Variants in GHR observed in about 807,000 individuals in gnomAD.
GHR encodes the protein GH receptor.
In GHR, 35 loss-of-function variants were observed where a neutral mutation model predicts 67.1. That is an observed-to-expected ratio of 0.52 (90% CI 0.40 to 0.69). GHR has a LOEUF of 0.69. GHR is among the 30% of genes least tolerant of loss of function. GHR has a pLI of 0.00. For missense variants in GHR, 792 were observed against 764.6 expected, an observed-to-expected ratio of 1.04 and a Z score of -0.42; for synonymous variants, 272 against 269.1, an observed-to-expected ratio of 1.01 and a Z score of -0.10.
chr5:42,591,788 G>A (rs886271593), intron 2 of GHR, among the ~76,000 whole-genome samples: 2 of 152,052 alleles, frequency 1.3e-5, no homozygotes, highest in African/African-American at 4.8e-5. Context: ...CTCAACATCT[G>A]TTTGTGTCTT....
At chr5:42,476,518 C>G (rs1303425866) in intron 1 of GHR, among the ~76,000 whole-genome samples, 1 of 152,130 alleles carries the variant, frequency 6.6e-6, no homozygotes, top group Non-Finnish European at 1.5e-5. Context: ...TGCACCTGGC[C>G]TAAATTCTTT....
chr5:42,603,065 T>A (rs543482491), intron 2 of GHR, among the ~76,000 whole-genome samples: 19 of 150,826 alleles, frequency 1.3e-4, no homozygotes, highest in Admixed American at 2.0e-4. Flanking sequence ...TTTGTTTGTC[T>A]GAGAAATTAT....
At chr5:42,498,653 C>T (rs2112222576) in intron 1 of GHR, among the ~76,000 whole-genome samples, 1 of 152,310 alleles carries the variant, frequency 6.6e-6, no homozygotes, top group Non-Finnish European at 1.5e-5. Context: ...GAGTAAAAGG[C>T]AAAAGGCAAA....
intron 3 of GHR, among the ~76,000 whole-genome samples, chr5:42,683,319 T>C (rs1377183545): frequency 6.6e-6 from 1 of 152,170 alleles, no homozygotes; most frequent in Non-Finnish European, 1.5e-5. Flanking sequence ...AGGGTTTTTA[T>C]ACTGAGGGCC....
At chr5:42,463,258 A>G (rs533045249) in intron 1 of GHR, among the ~76,000 whole-genome samples, 1 of 152,354 alleles carries the variant, frequency 6.6e-6, no homozygotes, top group East Asian at 1.9e-4. Context: ...ATAAATGTAT[A>G]TTGAGAGAGA....
intron 4 of GHR, among the ~76,000 whole-genome samples, chr5:42,692,319 T>G (rs1757456666): frequency 6.6e-6 from 1 of 152,038 alleles, no homozygotes; most frequent in Admixed American, 6.6e-5. Context: ...ATAGTCTCTT[T>G]CTATGGTTCT....
At chr5:42,625,002 T>C (rs1197948014) in intron 2 of GHR, among the ~76,000 whole-genome samples, 10 of 152,200 alleles carry the variant, frequency 6.6e-5, no homozygotes, top group Non-Finnish European at 1.3e-4. Flanking sequence ...TTGTCATAAT[T>C]CCTTATTGCA....
intron 1 of GHR, among the ~76,000 whole-genome samples, chr5:42,456,050 C>T (rs889311358): frequency 2.6e-5 from 4 of 152,220 alleles, no homozygotes; most frequent in East Asian, 1.9e-4. Context: ...CAATGGCTTA[C>T]GCCTGTAATC....
At chr5:42,511,933 T>C (rs1747035888) in intron 1 of GHR, among the ~76,000 whole-genome samples, 1 of 152,206 alleles carries the variant, frequency 6.6e-6, no homozygotes, top group Admixed American at 6.5e-5. Context: ...CCTGCTCCCA[T>C]TCTAGGAATC....
intron 3 of GHR, among the ~76,000 whole-genome samples, chr5:42,638,547 T>C (rs1260725147): frequency 6.6e-6 from 1 of 152,210 alleles, no homozygotes; most frequent in Non-Finnish European, 1.5e-5. Context: ...TACAGCATGT[T>C]ACTGTACTGA....
intron 2 of GHR, among the ~76,000 whole-genome samples, chr5:42,577,313 A>G (rs1750804349): frequency 6.6e-6 from 1 of 152,258 alleles, no homozygotes; most frequent in African/African-American, 2.4e-5. Flanking sequence ...TTCCTGGTCT[A>G]TGCCCTAGTG....
rs1054768436 is a variant in GHR, at chr5:42,619,054, A to T, written c.71-9984A>T. Among the ~76,000 whole-genome samples the T allele has an allele frequency of 2.0e-5, 3 of 152,148 alleles. No homozygotes were observed. In the South Asian group the frequency reaches 6.2e-4, roughly 32 times the overall value. On this transcript the variant is annotated intron_variant, in intron 2 of 9. Transcript: ENST00000230882. ...ATGGAATAAAGTTAATTAGTGAATT[A>T]AAGCCACATACCACATAGCTTAAGG...
intron 2 of GHR, among the ~76,000 whole-genome samples, chr5:42,617,193 A>G (rs1050639636): frequency 1.3e-5 from 2 of 151,810 alleles, no homozygotes; most frequent in African/African-American, 4.8e-5. Flanking sequence ...TGGGGGCCCA[A>G]CCATTTCTGG....
rs371928001 is a variant in GHR at position 42,671,683 on chromosome 5, G to A, written c.137-17207G>A. The stretch of plus-strand genomic sequence containing the variant: ...ACCTTAAGAAACTAGGCGGCCGGGC[G>A]CGGTGGCTCACACCTGTAATCCCAG... On this transcript the variant is annotated intron_variant, in intron 3 of 9. Transcript: ENST00000230882. Among the ~76,000 whole-genome samples, 10 of 150,404 alleles carry A rather than the reference G, an allele frequency of 6.6e-5. No individual in the cohort carries two copies. The South Asian group carries it at 1.1e-3, about 16-fold the overall frequency.
chr5:42,541,421 G>C (rs1008417724), intron 1 of GHR, among the ~76,000 whole-genome samples: 1 of 152,152 alleles, frequency 6.6e-6, no homozygotes, highest in African/African-American at 2.4e-5. Context: ...GTTGGAGCAG[G>C]ATGAGCAAGA....
At chr5:42,683,978 T>G (rs1280464962) in intron 3 of GHR, among the ~76,000 whole-genome samples, 2 of 151,956 alleles carry the variant, frequency 1.3e-5, no homozygotes, top group Non-Finnish European at 2.9e-5. Flanking sequence ...TTTTTTTTTG[T>G]TTCAGCTGAC....
chr5:42,512,081 C>T (rs567825224), intron 1 of GHR, among the ~76,000 whole-genome samples: 1 of 152,196 alleles, frequency 6.6e-6, no homozygotes, highest in African/African-American at 2.4e-5. Context: ...CTACCAATCC[C>T]TGTGTATGGT....
At chr5:42,522,248 GA>G (rs1036368638) in intron 1 of GHR, among the ~76,000 whole-genome samples, 6 of 151,960 alleles carry the variant, frequency 3.9e-5, no homozygotes, top group African/African-American at 7.2e-5. Context: ...TTCTGTACAA[GA>G]AAAAAATCAT....
intron 1 of GHR, among the ~76,000 whole-genome samples, chr5:42,494,889 A>G (rs1188795287): frequency 6.6e-6 from 1 of 152,140 alleles, no homozygotes; most frequent in Non-Finnish European, 1.5e-5. Context: ...CTTGACTATC[A>G]GAGCCAAATA....
Sources: allele counts gnomAD v4.1 joint callset (sites outside exome capture counted in the v4.1 genomes callset), GRCh38; gene constraint gnomAD v4.1.1; transcripts MANE v1.5; gene names NCBI Gene and HGNC (gene_info 2026-07-23, HGNC 2026-07-21).